Variants in NGEF observed in about 807,000 individuals in gnomAD.
NGEF encodes the protein neuronal guanine nucleotide exchange factor.
NGEF carries 31 observed loss-of-function variants against 80.9 expected under a neutral mutation model. The ratio of observed to expected loss-of-function variants is 0.38; its 90% confidence interval spans 0.29 to 0.52. The LOEUF is 0.52. NGEF is among the 20% of genes least tolerant of loss of function. NGEF has a pLI of 0.84. For missense variants in NGEF, 709 were observed against 926.2 expected (o/e 0.77, Z 3.04); for synonymous variants, 371 against 370.2 (o/e 1.00, Z -0.03).
At chr2:232,966,643 C>T (rs1444475352) in intron 3 of NGEF, among the ~76,000 whole-genome samples, 1 of 152,114 alleles carries the variant, frequency 6.6e-6, no homozygotes, top group Non-Finnish European at 1.5e-5. Flanking sequence ...CAGTAGCCAG[C>T]CCCGTCACTC....
chr2:232,955,704 A>T (rs1029095373), intron 3 of NGEF, among the ~76,000 whole-genome samples: 5 of 151,948 alleles, frequency 3.3e-5, no homozygotes, highest in Non-Finnish European at 7.4e-5. Context: ...CTTGTAGTAG[A>T]GACGGGGTTT....
At chr2:233,008,277 T>C (rs1396116981) in intron 1 of NGEF, among the ~76,000 whole-genome samples, 1 of 152,172 alleles carries the variant, frequency 6.6e-6, no homozygotes, top group Non-Finnish European at 1.5e-5. Flanking sequence ...GAGGCAGTTG[T>C]GGGGGTCTGA....
At position 232,879,328 on chromosome 2, in the gene NGEF, A is replaced by G. The variant is rs73997601; in HGVS notation, c.*161T>C. 4.7e-5 allele frequency: 31 copies of G among 664,290 alleles called. No homozygotes were observed. The South Asian group carries it at 5.9e-4, about 13-fold the overall frequency. 41.1% of individuals were successfully genotyped at this position (664,290 alleles called of 1,614,324 possible). On this transcript the variant is annotated 3_prime_UTR_variant, in exon 15 of 15. Transcript: ENST00000264051. ...CAGTTTGCGAGCAAGGGGCCAAGAC[A>G]CATGAGCACTCACTGCGTGGGCAGG...
intron 5 of NGEF, among the ~76,000 whole-genome samples, chr2:232,908,505 T>TG (rs11459975): frequency 0.83 from 125,455 of 152,060 alleles, 51,897 homozygotes; most frequent in East Asian, 0.86. Context: ...CGTTTATGAT[T>TG]TTAGTGAGTT....
At chr2:232,898,563 T>C (rs538420640) in intron 5 of NGEF, among the ~76,000 whole-genome samples, 2 of 152,384 alleles carry the variant, frequency 1.3e-5, no homozygotes, top group South Asian at 2.1e-4. Flanking sequence ...CATGTCGATA[T>C]GGCTATCTTT....
intron 3 of NGEF, among the ~76,000 whole-genome samples, chr2:232,964,581 A>G (rs1694019617): frequency 6.6e-6 from 1 of 152,142 alleles, no homozygotes; most frequent in South Asian, 2.1e-4. Flanking sequence ...GTAATCCCAC[A>G]TATTCGGGAG....
chr2:232,891,116 A>G, intron 8 of NGEF: 2 of 593,456 alleles, frequency 3.4e-6, no homozygotes, highest in South Asian at 3.3e-5. Flanking sequence ...GTGTCGGCCC[A>G]TTTGGCTGTC....
At position 232,993,140 on chromosome 2, in the gene NGEF, TA is replaced by T. The variant is rs377446821; in HGVS notation, c.-74-18177del. On this transcript the variant is annotated intron_variant, in intron 1 of 14. Coordinates refer to ENST00000264051, the MANE Select transcript of NGEF (RefSeq NM_019850.3). Reference sequence around the variant, plus strand: ...ATATAAATAAATATATATTTATTTATATATATATGGGCAAATATATATATAT... The same window carrying T: ...ATATAAATAAATATATATTTATTTATTATATATGGGCAAATATATATATAT... 4.6e-3 allele frequency among the ~76,000 whole-genome samples: 188 copies of T among 40,660 alleles called. 3 individuals are homozygous for T. The highest frequency in any genetic ancestry group is 0.017 in the African/African-American group (163 of 9,576). 26.7% of individuals were successfully genotyped at this position (40,660 alleles called of 152,430 possible).
chr2:232,961,618 G>A (rs186776740), intron 3 of NGEF, among the ~76,000 whole-genome samples: 13 of 152,078 alleles, frequency 8.5e-5, no homozygotes, highest in Middle Eastern at 3.4e-3. Flanking sequence ...TCAGCCTCCC[G>A]AGTAGCTGGG....
At chr2:232,909,934 A>G (rs576100977) in intron 5 of NGEF, among the ~76,000 whole-genome samples, 49 of 152,346 alleles carry the variant, frequency 3.2e-4, no homozygotes, top group African/African-American at 1.1e-3. Context: ...ATGCTGTCGC[A>G]TATCAATAGT....
chr2:232,939,449 A>G (rs1008907795), intron 3 of NGEF, among the ~76,000 whole-genome samples: 6 of 152,250 alleles, frequency 3.9e-5, no homozygotes, highest in African/African-American at 1.4e-4. Flanking sequence ...CAAATGGAGC[A>G]AAACTTTATG....
At chr2:232,970,087 C>T (rs764300286) in intron 3 of NGEF, 127 bp downstream of exon 3, 34 of 444,968 alleles carry the variant, frequency 7.6e-5, no homozygotes, top group Non-Finnish European at 1.1e-4. Context: ...TTTTTTAGCA[C>T]GGGCAACCAA....
intron 5 of NGEF, among the ~76,000 whole-genome samples, chr2:232,910,598 G>C (rs1692672125): frequency 1.3e-5 from 2 of 151,606 alleles, no homozygotes; most frequent in African/African-American, 4.9e-5. Context: ...GGGGCTGCTG[G>C]GTAGTACCAT....
At chr2:232,958,219 G>A (rs1028671993) in intron 3 of NGEF, among the ~76,000 whole-genome samples, 2 of 152,124 alleles carry the variant, frequency 1.3e-5, no homozygotes, top group Non-Finnish European at 2.9e-5. Flanking sequence ...TATATTACTA[G>A]GGGAGGTGGA....
intron 8 of NGEF, among the ~76,000 whole-genome samples, chr2:232,888,551 G>A (rs1172154299): frequency 8.6e-6 from 1 of 116,650 alleles, no homozygotes; most frequent in Non-Finnish European, 1.8e-5. Context: ...GCACATACAT[G>A]CATACCTGCA....
chr2:233,007,006 G>T (rs1695097867), intron 1 of NGEF, among the ~76,000 whole-genome samples: 1 of 152,158 alleles, frequency 6.6e-6, no homozygotes, highest in African/African-American at 2.4e-5. Flanking sequence ...GCCCTTTGGG[G>T]CCTGAGGCGG....
intron 4 of NGEF, among the ~76,000 whole-genome samples, chr2:232,926,391 C>T (rs1693068145): frequency 6.6e-6 from 1 of 151,412 alleles, no homozygotes; most frequent in African/African-American, 2.4e-5. Context: ...TATTTGAATC[C>T]ATTTTCCCTA....
chr2:232,968,628 A>G (rs1377823256), intron 3 of NGEF, among the ~76,000 whole-genome samples: 2 of 150,850 alleles, frequency 1.3e-5, no homozygotes, highest in Admixed American at 6.6e-5. Flanking sequence ...CTGGTCTCGA[A>G]CTCCTGACCT....
chr2:232,943,998 C>T (rs539519897), intron 3 of NGEF, among the ~76,000 whole-genome samples: 7 of 151,530 alleles, frequency 4.6e-5, no homozygotes, highest in East Asian at 3.9e-4. Flanking sequence ...TTTGGGAGGC[C>T]GAGGCCGGCG....
Sources: gnomAD v4.1 joint callset for allele counts (sites outside exome capture counted in the v4.1 genomes callset) on GRCh38, gnomAD v4.1.1 for gene constraint, MANE v1.5 for transcripts, NCBI Gene and HGNC (gene_info 2026-07-23, HGNC 2026-07-21) for gene names.